The following SHANK2 variants were observed in gnomAD, a reference collection of about 807,000 sequenced individuals.
SHANK2 encodes the protein SH3 and multiple ankyrin repeat domains protein 2.
Under a neutral mutation model 133.7 loss-of-function variants are expected in SHANK2, and 43 were observed. The ratio of observed to expected loss-of-function variants is 0.32; its 90% confidence interval spans 0.25 to 0.41. The LOEUF (loss-of-function observed/expected upper bound fraction) is 0.41. SHANK2 is among the 10% of genes least tolerant of loss of function. The pLI, the probability that SHANK2 is intolerant of heterozygous loss-of-function variation, is 1.00. For missense variants in SHANK2, 1,994 were observed against 2,235.8 expected (o/e 0.89, Z 2.18); for synonymous variants, 1,017 against 952.8 (o/e 1.07, Z -1.24).
At chr11:70,560,242 T>C (rs1246735890) in intron 17 of SHANK2, among the ~76,000 whole-genome samples, 6 of 152,000 alleles carry the variant, frequency 3.9e-5, no homozygotes, top group African/African-American at 1.5e-4. Context: ...TTCTATATAC[T>C]AGCAAAAAAT....
chr11:70,860,262 G>A (rs77113454), intron 11 of SHANK2, among the ~76,000 whole-genome samples: 422 of 152,236 alleles, frequency 2.8e-3, no homozygotes, highest in African/African-American at 9.5e-3. Context: ...ACTTGGGTGC[G>A]GGGGATTTTC....
chr11:70,755,477 G>A (rs935742812), intron 14 of SHANK2, among the ~76,000 whole-genome samples: 5 of 152,216 alleles, frequency 3.3e-5, no homozygotes, highest in Non-Finnish European at 5.9e-5. Flanking sequence ...CCCTGTGAGC[G>A]TCCAACCTCT....
At chr11:71,143,556 G>A (rs1466367352) in intron 3 of SHANK2, among the ~76,000 whole-genome samples, 8 of 152,094 alleles carry the variant, frequency 5.3e-5, no homozygotes, top group African/African-American at 1.9e-4. Flanking sequence ...CATTGCTTGT[G>A]CTTTTTGTTG....
intron 8 of SHANK2, among the ~76,000 whole-genome samples, chr11:71,083,214 T>C (rs925127683): frequency 8.0e-4 from 122 of 152,294 alleles, no homozygotes; most frequent in Non-Finnish European, 1.6e-3. Flanking sequence ...CTGCTGGGAC[T>C]ATAGTGTGAG....
At chr11:70,548,693 C>T (rs1554976982) in intron 17 of SHANK2, among the ~76,000 whole-genome samples, 1 of 152,166 alleles carries the variant, frequency 6.6e-6, no homozygotes. Flanking sequence ...AAAGTGTTAC[C>T]CCCAAACCTA....
intron 11 of SHANK2, among the ~76,000 whole-genome samples, chr11:70,869,537 C>T (rs1249341119): frequency 6.6e-6 from 1 of 152,236 alleles, no homozygotes; most frequent in Non-Finnish European, 1.5e-5. Flanking sequence ...TGGTTCATGG[C>T]AGGCTGTCTG....
chr11:70,698,243 C>T (rs1347765798), intron 15 of SHANK2: 2 of 203,862 alleles, frequency 9.8e-6, no homozygotes, highest in Non-Finnish European at 2.0e-5. Context: ...CTGCCCCCTT[C>T]CTTCACAGCC....
chr11:70,936,198 G>T (rs1312522586), intron 10 of SHANK2, among the ~76,000 whole-genome samples: 5 of 152,218 alleles, frequency 3.3e-5, no homozygotes, highest in Admixed American at 3.3e-4. Context: ...ACCAATGCGA[G>T]AGTTTTCAGA....
In SHANK2 at chr11:71,203,045, C is replaced by T. The variant is rs1479980373; in HGVS notation, c.-13+21652G>A. 4.6e-5 allele frequency among the ~76,000 whole-genome samples: 7 copies of T among 152,234 alleles called. No homozygotes were observed. The East Asian group carries it at 1.3e-3, about 29-fold the overall frequency. On this transcript the variant is annotated intron_variant, in intron 2 of 25. Transcript: ENST00000601538. ...AACACTGTGTGTCCGCAGGACTGTA[C>T]ACACAGGCATGCTCATGGAGCAGGT...
intron 14 of SHANK2, among the ~76,000 whole-genome samples, chr11:70,717,760 C>T (rs1164631628): frequency 5.3e-5 from 8 of 151,596 alleles, no homozygotes; most frequent in African/African-American, 1.5e-4. Context: ...GGGGTCTCCA[C>T]GGAGACTGAG....
chr11:70,613,353 G>A (rs782671719), intron 17 of SHANK2, among the ~76,000 whole-genome samples: 10 of 151,820 alleles, frequency 6.6e-5, no homozygotes, highest in East Asian at 1.9e-4. Context: ...ACAGGCGCCC[G>A]TTGCCATGTC....
intron 17 of SHANK2, among the ~76,000 whole-genome samples, chr11:70,528,688 C>T (rs528426978): frequency 6.6e-5 from 10 of 152,116 alleles, no homozygotes; most frequent in African/African-American, 2.4e-4. Flanking sequence ...TATGCCCTGA[C>T]AAGCGGGTCA....
intron 4 of SHANK2, among the ~76,000 whole-genome samples, chr11:71,114,248 C>T (rs2135242678): frequency 6.6e-6 from 1 of 152,258 alleles, no homozygotes; most frequent in East Asian, 1.9e-4. Flanking sequence ...CTTCCTGGCA[C>T]AGACCTGGCA....
intron 15 of SHANK2, among the ~76,000 whole-genome samples, chr11:70,665,152 A>T (rs1272301255): frequency 2.6e-5 from 4 of 152,146 alleles, no homozygotes; most frequent in Admixed American, 6.5e-5. Context: ...TTAGTTTTTT[A>T]AAATTAGAGA....
rs1312270550 is a variant in SHANK2, at chr11:70,535,861, C to T, written c.2062-32930G>A. Among the ~76,000 whole-genome samples, 3 of 152,220 alleles carry T rather than the reference C, an allele frequency of 2.0e-5. No individual in the cohort carries two copies. Among genetic ancestry groups the T allele is most frequent in the Non-Finnish European group, 2.9e-5 (2 of 68,038 alleles). On this transcript the variant is annotated intron_variant, in intron 17 of 25. Coordinates refer to ENST00000601538, the MANE Select transcript of SHANK2 (RefSeq NM_012309.5). This position sits in a 1 kb window ranked among gnomAD's most constrained non-coding sequence, Gnocchi z 4.3. ...GCTTGGGAGCCTGAGAAGAAGGTGT[C>T]AGGGCCTGGTAAGCTGTGGGGGAAG...
chr11:70,721,826 G>GTA (rs1946080836), intron 14 of SHANK2, among the ~76,000 whole-genome samples: 4 of 152,264 alleles, frequency 2.6e-5, no homozygotes, highest in Non-Finnish European at 5.9e-5. Flanking sequence ...GAAGCACAGC[G>GTA]TGTTTTGAGC....
intron 17 of SHANK2, among the ~76,000 whole-genome samples, chr11:70,613,756 G>A (rs2060697450): frequency 3.4e-5 from 3 of 87,836 alleles, no homozygotes; most frequent in East Asian, 3.7e-4. Flanking sequence ...TAAGAAGAGG[G>A]GAACTTGTTT....
At chr11:71,223,428 G>A (rs888707169) in intron 2 of SHANK2, among the ~76,000 whole-genome samples, 5 of 152,162 alleles carry the variant, frequency 3.3e-5, no homozygotes, top group African/African-American at 4.8e-5. Context: ...CATCTGTACC[G>A]AACATGTACA....
chr11:70,705,523 T>G (rs562874253), intron 14 of SHANK2: 1 of 152,264 alleles, frequency 6.6e-6, no homozygotes, highest in South Asian at 2.1e-4. Context: ...ACAATGGAAA[T>G]GGATCCCATT....
Sources: allele counts gnomAD v4.1 joint callset (sites outside exome capture counted in the v4.1 genomes callset), GRCh38; gene constraint gnomAD v4.1.1; non-coding constraint Gnocchi (gnomAD v3.1); transcripts MANE v1.5; gene names NCBI Gene and HGNC (gene_info 2026-07-23, HGNC 2026-07-21).